EGF: variants seen among roughly 807,000 people sequenced by gnomAD.
EGF encodes epidermal growth factor, also known as pro-epidermal growth factor.
A neutral mutation model predicts 143.8 loss-of-function variants in EGF; 95 were observed. The ratio of observed to expected loss-of-function variants is 0.66; its 90% CI spans 0.56 to 0.78. The LOEUF is 0.78. EGF is among the 30% of genes least tolerant of loss of function. The pLI is 0.00. For synonymous variants in EGF, 510 were observed against 510.5 expected (o/e 1.00, Z 0.01); for missense variants, 1,320 against 1,470.9 (o/e 0.90, Z 1.68).
chr4:110,011,785 A>T lies in EGF; in HGVS notation c.*330A>T, dbSNP rs1418386195. The T allele has an allele frequency of 2.7e-6, 1 of 367,564 alleles. No homozygotes were observed. The highest frequency in any genetic ancestry group is 5.1e-6 in the Non-Finnish European group (1 of 194,480). The allele number at this position is 367,564 out of a possible 1,614,324, so 22.8% of individuals were successfully genotyped here. ...TTTTTGTTGTTCCTGCAGCCCCAGA[A>T]GAAATTAGGGGTTAAAGCAGACAGT... is the stretch of plus-strand genomic sequence containing the variant. On this transcript the variant is annotated 3_prime_UTR_variant, in exon 24 of 24. Transcript: ENST00000265171.
intron 10 of EGF, among the ~76,000 whole-genome samples, chr4:109,965,599 T>C (rs1209439081): frequency 6.6e-6 from 1 of 152,162 alleles, no homozygotes; most frequent in Non-Finnish European, 1.5e-5. Flanking sequence ...AACAAGTGAA[T>C]GTGGAGACCT....
intron 1 of EGF, among the ~76,000 whole-genome samples, chr4:109,927,721 CT>C (rs1738949976): frequency 8.6e-6 from 1 of 116,922 alleles, no homozygotes; most frequent in African/African-American, 3.2e-5. Context: ...GAGACACCGT[CT>C]CAAAAAAAAA....
At chr4:109,991,378 G>C (rs1395037768) in intron 18 of EGF, among the ~76,000 whole-genome samples, 2 of 152,142 alleles carry the variant, frequency 1.3e-5, no homozygotes, top group Non-Finnish European at 2.9e-5. Flanking sequence ...TAGGAAGTTG[G>C]ACAGCAAAGT....
intron 15 of EGF, among the ~76,000 whole-genome samples, chr4:109,983,155 T>C (rs1749635709): frequency 6.6e-6 from 1 of 152,130 alleles, no homozygotes; most frequent in Admixed American, 6.5e-5. Context: ...ACTCTTGTTT[T>C]TTGCCAGTAC....
In EGF at chr4:109,943,936, A is replaced by G. The variant is rs1560665209; in HGVS notation, c.604A>G (p.Ile202Val). 6.2e-7 allele frequency: 1 copy of G among 1,614,180 alleles called. No individual in the cohort carries two copies. Among genetic ancestry groups the G allele is most frequent in the East Asian group, 2.2e-5 (1 of 44,872 alleles). ...VKALLETSEK[I>V]TAVSLDVLDK... ...GGCTCTGTTGGAGACATCAGAGAAA[A>G]TAACAGCTGTGTCATTGGATGTGCT... Residue 202 changes from isoleucine to valine, a missense_variant, in exon 4 of 24, where the codon ATA becomes GTA. Physicochemically the swap from Ile to Val is conservative, Grantham distance 29 (BLOSUM62 3). Around this residue, in one of 5 missense-constraint regions of EGF, gnomAD observed 1,186 missense variants for 1,313.7 expected, o/e 0.90. Coordinates refer to ENST00000265171, the MANE Select transcript of EGF (RefSeq NM_001963.6).
chr4:110,008,566 A>G lies in EGF; in HGVS notation c.3370+336A>G, dbSNP rs189229009. On this transcript the variant is annotated intron_variant, in intron 23 of 23. Coordinates refer to ENST00000265171, the MANE Select transcript of EGF (RefSeq NM_001963.6). ...AGGATCTATACTGGTAGCTGTAGGT[A>G]TAGTCCCAGTTAAGTTGTAAATGGC... Among the ~76,000 whole-genome samples the G allele has an allele frequency of 4.6e-5, 7 of 152,314 alleles. No individual in the cohort carries two copies. The East Asian group carries it at 7.7e-4, about 17-fold the overall frequency.
rs941594261 is a variant in EGF at position 109,970,643 on chromosome 4, G to A, written c.1724+1524G>A. Among the ~76,000 whole-genome samples the A allele has an allele frequency of 1.6e-4, 25 of 152,056 alleles. No individual in the cohort carries two copies. The East Asian group carries it at 1.7e-3, about 11-fold the overall frequency. On this transcript the variant is annotated intron_variant, in intron 11 of 23. Coordinates refer to ENST00000265171, the MANE Select transcript of EGF (RefSeq NM_001963.6). Reference sequence around the variant, plus strand: ...AGATCGAGACCATCCTGGCTAACATGGTGAAACCCCGTCTCTACTAAAAAT... The same window carrying A: ...AGATCGAGACCATCCTGGCTAACATAGTGAAACCCCGTCTCTACTAAAAAT...
chr4:109,971,647 CT>C (rs1411324721), intron 11 of EGF, among the ~76,000 whole-genome samples: 1 of 152,202 alleles, frequency 6.6e-6, no homozygotes, highest in East Asian at 1.9e-4. Flanking sequence ...ACAAGCCCTT[CT>C]TAAGTCCTCC....
chr4:110,005,536 G>A (rs1753167359), intron 22 of EGF, among the ~76,000 whole-genome samples: 1 of 152,112 alleles, frequency 6.6e-6, no homozygotes, highest in African/African-American at 2.4e-5. Context: ...AAATTTAACT[G>A]GGTTCTTTAT....
chr4:109,993,163 C>A, intron 18 of EGF, 84 bp from the exon 19 acceptor site: 1 of 1,578,378 alleles, frequency 6.3e-7, no homozygotes, highest in Non-Finnish European at 8.7e-7. Context: ...GCTGATGAAG[C>A]TCCTCTTCCA....
At chr4:109,979,498 CTT>C (rs765228753) in intron 13 of EGF, among the ~76,000 whole-genome samples, 5 of 152,060 alleles carry the variant, frequency 3.3e-5, no homozygotes, top group Admixed American at 6.5e-5. Flanking sequence ...TGGGGAGACT[CTT>C]ATACAATTAC....
chr4:109,917,486 T>C (rs902387252), intron 1 of EGF, among the ~76,000 whole-genome samples: 63 of 152,146 alleles, frequency 4.1e-4, no homozygotes, highest in African/African-American at 1.5e-3. Flanking sequence ...TTTTAGCTTT[T>C]AGTTTTTGTC....
At position 109,914,620 on chromosome 4, in the gene EGF, CTA is replaced by C. The variant is rs529653167; in HGVS notation, c.127+1160_127+1161del. The stretch of plus-strand genomic sequence containing the variant: ...AATAAAGACTTAATCCTAGTGATCT[CTA>C]TGTTCCCAGCACCTAGGACATTCCT... On this transcript the variant is annotated intron_variant, in intron 1 of 23. Coordinates refer to ENST00000265171, the MANE Select transcript of EGF (RefSeq NM_001963.6). Among the ~76,000 whole-genome samples the C allele has an allele frequency of 2.0e-5, 3 of 152,200 alleles. No homozygotes were observed. The South Asian group carries it at 6.2e-4, about 31-fold the overall frequency.
At chr4:109,926,312 T>A (rs1738629461) in intron 1 of EGF, among the ~76,000 whole-genome samples, 1 of 150,898 alleles carries the variant, frequency 6.6e-6, no homozygotes, top group Non-Finnish European at 1.5e-5. Flanking sequence ...AGGATTGTGC[T>A]ACTGCACTCC....
chr4:109,940,225 A>T (rs755601717), intron 1 of EGF, among the ~76,000 whole-genome samples: 3 of 152,172 alleles, frequency 2.0e-5, no homozygotes, highest in Non-Finnish European at 4.4e-5. Context: ...GGCACCAAGA[A>T]ATCTAGTGAG....
chr4:109,927,564 AAC>A (rs1738908610), intron 1 of EGF, among the ~76,000 whole-genome samples: 1 of 151,958 alleles, frequency 6.6e-6, no homozygotes, highest in African/African-American at 2.4e-5. Context: ...CTCTACTAAA[AAC>A]ACAAAAAATT....
At chr4:109,992,591 T>C (rs538871838) in intron 18 of EGF, among the ~76,000 whole-genome samples, 218 of 152,228 alleles carry the variant, frequency 1.4e-3, no homozygotes, top group Non-Finnish European at 1.5e-3. Context: ...GCCATCCCAT[T>C]ACTGGGTATA....
At chr4:109,944,271 C>T (rs1335957434) in intron 4 of EGF, among the ~76,000 whole-genome samples, 1 of 152,156 alleles carries the variant, frequency 6.6e-6, no homozygotes. Context: ...AACCCCGTCT[C>T]TACTAAAAAT....
intron 4 of EGF, 56 bp from the exon 5 acceptor site, chr4:109,945,017 A>G: frequency 3.2e-6 from 5 of 1,567,586 alleles, no homozygotes; most frequent in Non-Finnish European, 8.7e-7. Flanking sequence ...TGAAATTCTA[A>G]TAAGACAAGG....
Sources: gnomAD v4.1 joint callset for allele counts (sites outside exome capture counted in the v4.1 genomes callset) on GRCh38, gnomAD v4.1.1 for gene constraint, gnomAD v4.1.1 regional missense constraint, MANE v1.5 for transcripts, NCBI Gene and HGNC (gene_info 2026-07-23, HGNC 2026-07-21) for gene names.